Variants in GLIS3 observed in about 807,000 individuals in gnomAD.
The protein encoded by GLIS3 is zinc finger protein GLIS3.
A neutral mutation model predicts 78.6 loss-of-function variants in GLIS3; 53 were observed. The observed-to-expected ratio is 0.67, with a 90% confidence interval of 0.54 to 0.85. GLIS3 has a LOEUF of 0.85. Ranked by LOEUF, GLIS3 falls within the 40% of genes least tolerant of loss-of-function variation. The pLI, the probability that GLIS3 is intolerant of heterozygous loss-of-function variation, is 0.00. For synonymous variants in GLIS3, 684 were observed against 509.9 expected, an observed-to-expected ratio of 1.34 and a Z score of -4.60; for missense variants, 1,703 against 1,231.1, an observed-to-expected ratio of 1.38 and a Z score of -5.74.
At chr9:3,834,379 T>C (rs1396032502) in intron 9 of GLIS3, among the ~76,000 whole-genome samples, 1 of 152,220 alleles carries the variant, frequency 6.6e-6, no homozygotes, top group Non-Finnish European at 1.5e-5. Context: ...ATGATGAAAA[T>C]GCTCTTTATC....
intron 2 of GLIS3, among the ~76,000 whole-genome samples, chr9:4,195,816 A>C (rs1024315996): frequency 1.3e-5 from 2 of 152,240 alleles, no homozygotes; most frequent in Admixed American, 1.3e-4. Context: ...CTCTGTGTCT[A>C]ACTCAAGGTC....
intron 4 of GLIS3, among the ~76,000 whole-genome samples, chr9:4,005,320 C>T (rs1821456359): frequency 6.6e-6 from 1 of 152,182 alleles, no homozygotes; most frequent in African/African-American, 2.4e-5. Flanking sequence ...AGAGTATGTC[C>T]TGCCATTCAT....
chr9:3,878,502 G>T (rs556193859), intron 8 of GLIS3: 1 of 152,218 alleles, frequency 6.6e-6, no homozygotes, highest in African/African-American at 2.4e-5. Flanking sequence ...CATAGGTCAG[G>T]CCAACAATGA....
chr9:4,035,707 C>G (rs972301865), intron 4 of GLIS3: 1 of 152,140 alleles, frequency 6.6e-6, no homozygotes, highest in African/African-American at 2.4e-5. Context: ...CAGAAACTAT[C>G]CAACTTCCTA....
At chr9:4,468,517 T>G in the GLIS3 span, among the ~76,000 whole-genome samples, 3 of 152,192 alleles carry the variant, frequency 2.0e-5, no homozygotes, top group Non-Finnish European at 4.4e-5. Flanking sequence ...AACCCAGAAT[T>G]TCATATCCAG....
chr9:4,283,494 G>A (rs1220314149), intron 2 of GLIS3, among the ~76,000 whole-genome samples: 1 of 151,984 alleles, frequency 6.6e-6, no homozygotes, highest in South Asian at 2.1e-4. Context: ...TCAAACTCCT[G>A]ACCTCAAATG....
intron 4 of GLIS3, among the ~76,000 whole-genome samples, chr9:4,116,998 C>T (rs1321460712): frequency 6.6e-6 from 1 of 152,098 alleles, no homozygotes; most frequent in Non-Finnish European, 1.5e-5. Context: ...TCGTATTATT[C>T]AAAAATAGTA....
chr9:4,339,518 G>C (rs1021364231), intron 2 of GLIS3, among the ~76,000 whole-genome samples: 10 of 151,486 alleles, frequency 6.6e-5, no homozygotes, highest in Non-Finnish European at 1.3e-4. Context: ...CCGCCTAGAG[G>C]CCAAATAGGT....
At chr9:4,437,554 G>A in the GLIS3 span, among the ~76,000 whole-genome samples, 4 of 152,148 alleles carry the variant, frequency 2.6e-5, no homozygotes, top group Non-Finnish European at 4.4e-5. Flanking sequence ...GTGGCATAGC[G>A]AGAGATTTGG....
chr9:4,158,328 G>A (rs1041158157), intron 2 of GLIS3, among the ~76,000 whole-genome samples: 1 of 152,122 alleles, frequency 6.6e-6, no homozygotes, highest in African/African-American at 2.4e-5. Flanking sequence ...TGATACATGT[G>A]TCCAAAGAGG....
the GLIS3 span, among the ~76,000 whole-genome samples, chr9:4,366,415 A>T: frequency 6.6e-6 from 1 of 152,102 alleles, no homozygotes; most frequent in Non-Finnish European, 1.5e-5. Context: ...CTGGGATGGG[A>T]GGAAAGGAGG....
At chr9:4,032,682 A>G (rs1823947640) in intron 4 of GLIS3, among the ~76,000 whole-genome samples, 1 of 152,108 alleles carries the variant, frequency 6.6e-6, no homozygotes, top group African/African-American at 2.4e-5. Context: ...ATGCTTCAAC[A>G]TTTTCCAGCC....
At chr9:4,160,430 T>A (rs1398187306) in intron 2 of GLIS3, among the ~76,000 whole-genome samples, 1 of 152,232 alleles carries the variant, frequency 6.6e-6, no homozygotes, top group Non-Finnish European at 1.5e-5. Flanking sequence ...AAATGCCTTA[T>A]TTTGTCAGAA....
At chr9:4,295,332 T>C (rs1181169266) in intron 1 of GLIS3, among the ~76,000 whole-genome samples, 1 of 152,236 alleles carries the variant, frequency 6.6e-6, no homozygotes, top group Non-Finnish European at 1.5e-5. Context: ...TTGGTCTCCC[T>C]AACCAGACTG....
the GLIS3 span, among the ~76,000 whole-genome samples, chr9:4,396,576 A>T: frequency 6.6e-6 from 1 of 152,108 alleles, no homozygotes; most frequent in Non-Finnish European, 1.5e-5. Flanking sequence ...CCTCTTTTTC[A>T]TTGAAAGATT....
chr9:3,959,235 C>T (rs1817372912), intron 4 of GLIS3, among the ~76,000 whole-genome samples: 1 of 152,212 alleles, frequency 6.6e-6, no homozygotes, highest in South Asian at 2.1e-4. Flanking sequence ...AGCTAGCTAG[C>T]TCCTTCCACC....
At chr9:4,011,814 A>T (rs1159237153) in intron 4 of GLIS3, among the ~76,000 whole-genome samples, 1 of 152,156 alleles carries the variant, frequency 6.6e-6, no homozygotes, top group African/African-American at 2.4e-5. Context: ...TATTCATGGG[A>T]AACTGGGCAT....
At position 3,927,201 on chromosome 9, in the gene GLIS3, C is replaced by T. The variant is rs143411718; in HGVS notation, c.1983+5159G>A. Among the ~76,000 whole-genome samples, 240 of 152,278 alleles carry T rather than the reference C, an allele frequency of 1.6e-3. 3 individuals carry two copies. Among genetic ancestry groups the T allele is most frequent in the African/African-American group, 5.0e-3 (208 of 41,558 alleles). ...TCTGGATCTAACCTAGTGCCTGACA[C>T]GCAGTAAGTACTCAATAAATATCTG... On this transcript the variant is annotated intron_variant, in intron 6 of 10. Coordinates refer to ENST00000381971, the MANE Select transcript of GLIS3 (RefSeq NM_001042413.2).
chr9:3,884,000 G>C (rs1017567947), intron 7 of GLIS3, among the ~76,000 whole-genome samples: 2 of 152,206 alleles, frequency 1.3e-5, no homozygotes, highest in Admixed American at 6.5e-5. Context: ...ATCTACAGTA[G>C]AGGTAGGTGG....
Sources: allele counts gnomAD v4.1 joint callset (sites outside exome capture counted in the v4.1 genomes callset), GRCh38; gene constraint gnomAD v4.1.1; transcripts MANE v1.5; gene names NCBI Gene and HGNC (gene_info 2026-07-23, HGNC 2026-07-21).